The following SNX18 variants were observed in gnomAD, a reference collection of about 807,000 sequenced individuals.
SNX18 encodes sorting nexin 18.
A neutral mutation model predicts 48.7 loss-of-function variants in SNX18; 35 were observed. The observed-to-expected ratio is 0.72, with a 90% CI of 0.55 to 0.95. The LOEUF (loss-of-function observed/expected upper bound fraction) is 0.95, where lower values mean the gene tolerates loss of function less well. Among genes scored for constraint, SNX18 ranks in the 40% least tolerant of loss-of-function variants. SNX18 has a pLI of 0.00. For missense variants in SNX18, 824 were observed against 871.0 expected, an observed-to-expected ratio of 0.95 and a Z score of 0.68; for synonymous variants, 492 against 384.7, an observed-to-expected ratio of 1.28 and a Z score of -3.26.
At chr5:54,594,241 G>T in the SNX18 span, among the ~76,000 whole-genome samples, 1 of 152,206 alleles carries the variant, frequency 6.6e-6, no homozygotes, top group African/African-American at 2.4e-5. Flanking sequence ...TTAGAAAGCA[G>T]ATCAGTCTTT....
At chr5:54,628,700 A>G in the SNX18 span, among the ~76,000 whole-genome samples, 1 of 152,042 alleles carries the variant, frequency 6.6e-6, no homozygotes, top group African/African-American at 2.4e-5. Flanking sequence ...GCCTCCACCC[A>G]ATCTTCCTAT....
the SNX18 span, among the ~76,000 whole-genome samples, chr5:54,587,962 T>C: frequency 6.6e-6 from 1 of 152,214 alleles, no homozygotes; most frequent in South Asian, 2.1e-4. Context: ...TCTGCCAGGT[T>C]GTGTCCATGA....
chr5:54,594,608 G>T, the SNX18 span, among the ~76,000 whole-genome samples: 3 of 152,174 alleles, frequency 2.0e-5, no homozygotes, highest in African/African-American at 7.2e-5. Flanking sequence ...GTTAGGCAAA[G>T]GTGCCTATGT....
chr5:54,581,880 C>T, the SNX18 span, among the ~76,000 whole-genome samples: 1 of 152,166 alleles, frequency 6.6e-6, no homozygotes, highest in African/African-American at 2.4e-5. Context: ...TCTGAAGTTG[C>T]TAAGCCCTCT....
chr5:54,537,021 A>G (rs1357342493), intron 1 of SNX18, among the ~76,000 whole-genome samples: 7 of 152,154 alleles, frequency 4.6e-5, no homozygotes, highest in African/African-American at 1.7e-4. Flanking sequence ...AGCTGCATAA[A>G]TGTCTTCTTT....
chr5:54,547,476 A>G (rs1762593917), downstream of SNX18, among the ~76,000 whole-genome samples: 1 of 152,208 alleles, frequency 6.6e-6, no homozygotes, highest in South Asian at 2.1e-4. Context: ...AGAAATCCCT[A>G]ACATCTTCCC....
At chr5:54,568,986 G>A in the SNX18 span, among the ~76,000 whole-genome samples, 1 of 151,876 alleles carries the variant, frequency 6.6e-6, no homozygotes, top group African/African-American at 2.4e-5. Flanking sequence ...GAGATTACAG[G>A]TGCACATCAC....
chr5:54,518,222 T>C lies in SNX18; in HGVS notation c.270T>C (p.Pro90=), dbSNP rs2548615. 0.98 allele frequency: 1,377,730 copies of C among 1,406,132 alleles called. 675,003 individuals are homozygous for C. The highest frequency in any genetic ancestry group is 1 in the East Asian group (33,141 of 33,222). The allele number at this position is 1,406,132 out of a possible 1,614,324, so 87.1% of individuals were successfully genotyped here. A position where few individuals can be genotyped will look rare whatever the true frequency, so the allele number is the denominator to read the frequency against. Residue 90 remains proline (P), a synonymous_variant, in exon 1 of 2, where the codon CCT becomes CCC. Coordinates refer to ENST00000381410, the MANE Select transcript of SNX18 (RefSeq NM_001102575.2). ...NVPPGGFEPL[P]VAPPASFKPP... ...CCCCCGGGGGCTTCGAGCCCCTGCC[T>C]GTCGCGCCCCCCGCCTCCTTCAAGC...
chr5:54,563,694 T>C, the SNX18 span, among the ~76,000 whole-genome samples: 366 of 152,312 alleles, frequency 2.4e-3, 2 homozygotes, highest in African/African-American at 7.1e-3. Flanking sequence ...CAGGTAGTTG[T>C]GACTCTGGCA....
downstream of SNX18, among the ~76,000 whole-genome samples, chr5:54,549,077 T>C (rs1195415242): frequency 6.6e-6 from 1 of 152,226 alleles, no homozygotes; most frequent in Non-Finnish European, 1.5e-5. Context: ...GGTGGAATAT[T>C]TTCAATCGTC....
chr5:54,586,004 C>CAA, the SNX18 span, among the ~76,000 whole-genome samples: 6 of 76,742 alleles, frequency 7.8e-5, no homozygotes, highest in African/African-American at 1.3e-4. Flanking sequence ...GACTCCGTCT[C>CAA]AAAAAAAAAA....
chr5:54,537,326 C>G (rs1762376880), intron 1 of SNX18, among the ~76,000 whole-genome samples: 1 of 152,212 alleles, frequency 6.6e-6, no homozygotes, highest in African/African-American at 2.4e-5. Context: ...TCACACTGGT[C>G]TGTATTGTCA....
the SNX18 span, among the ~76,000 whole-genome samples, chr5:54,573,972 TG>T: frequency 6.6e-6 from 1 of 152,218 alleles, no homozygotes; most frequent in Non-Finnish European, 1.5e-5. Context: ...CTGTTACCAA[TG>T]GCTACACAGC....
the SNX18 span, among the ~76,000 whole-genome samples, chr5:54,584,951 G>A: frequency 7.2e-5 from 11 of 152,290 alleles, no homozygotes; most frequent in African/African-American, 2.6e-4. Context: ...TGTGGCCGAC[G>A]TGTTTGCCAC....
chr5:54,580,085 A>ATG, the SNX18 span, among the ~76,000 whole-genome samples: 660 of 151,470 alleles, frequency 4.4e-3, 4 homozygotes, highest in Middle Eastern at 6.8e-3. Context: ...GTGTGTGTGC[A>ATG]TGTGTGTGTG....
At position 54,518,076 on chromosome 5, in the gene SNX18, G is replaced by A. The variant is rs761731382; in HGVS notation, c.124G>A (p.Val42Ile). Residue 42 changes from valine (V) to isoleucine (I), a missense_variant, in exon 1 of 2, where the codon GTC (valine) becomes ATC (isoleucine). Val to Ile is a conservative substitution (Grantham distance 29). Around this residue, in one of 3 missense-constraint regions of SNX18, gnomAD observed 377 missense variants for 350.6 expected, o/e 1.08. Coordinates refer to ENST00000381410, the MANE Select transcript of SNX18 (RefSeq NM_001102575.2). ...GGACATCGAGGGCTGGCTCGAGGGG[G>A]TCAACAGCCGCGGCGACCGCGGCCT... The part of the protein sequence containing the change: ...EQDIEGWLEG[V>I]NSRGDRGLFP... 5.2e-6 allele frequency: 8 copies of A among 1,539,656 alleles called. No individual in the cohort carries two copies. In the Middle Eastern group the frequency reaches 5.1e-4, roughly 98 times the overall value.
chr5:54,546,461 A>C lies in SNX18; in HGVS notation c.*3029A>C, dbSNP rs781584922. 3 of 152,210 alleles carry C rather than the reference A, an allele frequency of 2.0e-5. No individual in the cohort carries two copies. The South Asian group carries it at 6.2e-4, about 31-fold the overall frequency. The allele number at this position is 152,210 out of a possible 1,614,324, so 9.4% of individuals were successfully genotyped here. On this transcript the variant is annotated 3_prime_UTR_variant, in exon 2 of 2. Transcript: ENST00000381410. ...ATCTTTGGTTAACAGAATAAGTAAA[A>C]CAGGGTATTATTTATTTGTAGTCTA...
At chr5:54,547,607 CTG>C (rs1334872415), downstream of SNX18, among the ~76,000 whole-genome samples, 3 of 152,186 alleles carry the variant, frequency 2.0e-5, no homozygotes, top group Non-Finnish European at 4.4e-5. Context: ...AGGTGAGAGT[CTG>C]TGCTGCTATG....
At chr5:54,569,658 T>A in the SNX18 span, among the ~76,000 whole-genome samples, 6 of 152,318 alleles carry the variant, frequency 3.9e-5, no homozygotes, top group South Asian at 1.2e-3. Context: ...CTGGAGTACC[T>A]GCATGTAATA....
Sources: allele counts gnomAD v4.1 joint callset (sites outside exome capture counted in the v4.1 genomes callset), GRCh38; gene constraint gnomAD v4.1.1; regional missense constraint gnomAD v4.1.1; transcripts MANE v1.5; gene names NCBI Gene and HGNC (gene_info 2026-07-23, HGNC 2026-07-21).